Variants in KMT2C observed in about 807,000 individuals in gnomAD.
KMT2C encodes the protein lysine methyltransferase 2C, also known as histone-lysine N-methyltransferase 2C.
KMT2C carries 88 observed loss-of-function variants against 507.9 expected under a neutral mutation model. The ratio of observed to expected loss-of-function variants is 0.17; its 90% CI spans 0.15 to 0.21. The LOEUF is 0.21. Among genes scored for constraint, KMT2C ranks in the 10% least tolerant of loss-of-function variants. The pLI, the probability that KMT2C is intolerant of heterozygous loss-of-function variation, is 1.00. For missense variants in KMT2C, 4,954 were observed against 5,957.8 expected (o/e 0.83, Z 5.55); for synonymous variants, 2,049 against 2,080.8 (o/e 0.98, Z 0.42).
intron 2 of KMT2C, among the ~76,000 whole-genome samples, chr7:152,354,946 C>T (rs2097140699): frequency 6.6e-6 from 1 of 152,072 alleles, no homozygotes; most frequent in African/African-American, 2.4e-5. Context: ...ATCACTCTGG[C>T]TACTATGTGT....
chr7:152,217,681 A>G (rs538664851), intron 23 of KMT2C, among the ~76,000 whole-genome samples: 17 of 152,254 alleles, frequency 1.1e-4, no homozygotes, highest in African/African-American at 3.4e-4. Flanking sequence ...AGCAAGGGTA[A>G]TTTTTCAACT....
rs2092508370 is a variant in KMT2C at position 152,162,494 on chromosome 7, T to C, written c.11083A>G (p.Asn3695Asp). Reference protein sequence around the residue: ...PNSDFSQATPNQQTYANSEVD... With the variant: ...PNSDFSQATPDQQTYANSEVD... Reference sequence around the variant, plus strand: ...TCTGAATTTGCATACGTCTGTTGATTTGGAGTTGCTTGTGAGAAATCACTA... The same window carrying C: ...TCTGAATTTGCATACGTCTGTTGATCTGGAGTTGCTTGTGAGAAATCACTA... The change falls in exon 43 of 59, where the codon AAT becomes GAT. Residue 3695 changes from asparagine to aspartate, a missense_variant. By Grantham distance (23) the Asn-to-Asp change is conservative (BLOSUM62 1). This residue lies in a region of KMT2C where 801 missense variants were observed against 751.2 expected (regional missense o/e 1.07). Transcript: ENST00000262189. 1.2e-6 allele frequency: 2 copies of C among 1,614,246 alleles called. No individual in the cohort carries two copies. The highest frequency in any genetic ancestry group is 8.5e-7 in the Non-Finnish European group (1 of 1,180,038).
chr7:152,432,877 T>C (rs749382122), intron 1 of KMT2C, among the ~76,000 whole-genome samples: 3 of 152,142 alleles, frequency 2.0e-5, no homozygotes, highest in Non-Finnish European at 4.4e-5. Context: ...CGGGGTGCGG[T>C]GGCTCACGCC....
rs2093245640 is a variant in KMT2C, at chr7:152,177,221, G to A, written c.8232C>T (p.Asn2744=). The A allele has an allele frequency of 6.2e-7, 1 of 1,613,770 alleles. No homozygotes were observed. Among genetic ancestry groups the A allele is most frequent in the Non-Finnish European group, 8.5e-7 (1 of 1,179,826 alleles). The part of the protein sequence containing the change: ...TLDNLETNDP[N]LDDLLRSGEF... Reference sequence around the variant, plus strand: ...CTCCTGACCTTAAGAGGTCATCCAGGTTGGGATCATTAGTTTCCAAATTAT... The same window carrying A: ...CTCCTGACCTTAAGAGGTCATCCAGATTGGGATCATTAGTTTCCAAATTAT... Residue 2744 remains asparagine, a synonymous_variant, in exon 38 of 59, where the codon AAC becomes AAT. Coordinates refer to ENST00000262189, the MANE Select transcript of KMT2C (RefSeq NM_170606.3).
At chr7:152,208,602 T>C (rs1416661604) in intron 23 of KMT2C, among the ~76,000 whole-genome samples, 6 of 152,194 alleles carry the variant, frequency 3.9e-5, no homozygotes, top group Non-Finnish European at 7.3e-5. Flanking sequence ...AATGCTATTT[T>C]AGAGAATGCT....
intron 14 of KMT2C, among the ~76,000 whole-genome samples, chr7:152,244,066 GAAAT>G (rs1588530439): frequency 1.3e-5 from 2 of 152,254 alleles, no homozygotes; most frequent in East Asian, 3.9e-4. Context: ...ACTGAAGACA[GAAAT>G]AAAAACAAAT....
At chr7:152,315,081 G>A (rs2096710655) in intron 4 of KMT2C, 57 bp downstream of exon 4, 1 of 1,383,042 alleles carries the variant, frequency 7.2e-7, no homozygotes, top group Non-Finnish European at 1.0e-6. Context: ...CATTATAATG[G>A]AAATAAATTA....
chr7:152,187,683 A>C, intron 32 of KMT2C, 32 bp downstream of exon 32: 2 of 1,599,084 alleles, frequency 1.3e-6, no homozygotes, highest in Non-Finnish European at 1.7e-6. Flanking sequence ...AATTAGTGCA[A>C]TTTAAGTTTC....
chr7:152,314,601 G>C (rs1589131453), intron 4 of KMT2C, among the ~76,000 whole-genome samples: 2 of 152,000 alleles, frequency 1.3e-5, no homozygotes, highest in Non-Finnish European at 1.5e-5. Flanking sequence ...AGGGAAGAAT[G>C]TATAGGACAG....
intron 7 of KMT2C, among the ~76,000 whole-genome samples, chr7:152,270,384 G>A (rs1361871165): frequency 6.6e-6 from 1 of 152,226 alleles, no homozygotes; most frequent in Non-Finnish European, 1.5e-5. Flanking sequence ...AATACATTGA[G>A]GAACAGGGGG....
chr7:152,150,864 A>T, intron 51 of KMT2C, 36 bp downstream of exon 51: 2 of 1,368,552 alleles, frequency 1.5e-6, no homozygotes, highest in Non-Finnish European at 2.1e-6. Context: ...GTCACTCGTT[A>T]CACATTGTTA....
At chr7:152,368,534 AAG>A in intron 1 of KMT2C, 1 of 1,364,370 alleles carries the variant, frequency 7.3e-7, no homozygotes, top group East Asian at 2.4e-5. Context: ...GCACAGCACA[AAG>A]AATTAGAGGA....
rs1554453074 is a variant in KMT2C at position 152,146,747 on chromosome 7, C to A, written c.13895-12G>T. ...CTTATCCCAGACACCTACACAGGGA[C>A]AAAAACATAATTTTTATAGGAAATA... On this transcript the variant is annotated splice_polypyrimidine_tract_variant and intron_variant, in intron 52 of 58. Coordinates refer to ENST00000262189, the MANE Select transcript of KMT2C (RefSeq NM_170606.3). 2 of 1,611,472 alleles carry A rather than the reference C, an allele frequency of 1.2e-6. No individual in the cohort carries two copies.
At chr7:152,306,974 C>T (rs2096620275) in intron 6 of KMT2C, among the ~76,000 whole-genome samples, 1 of 152,138 alleles carries the variant, frequency 6.6e-6, no homozygotes, top group African/African-American at 2.4e-5. Flanking sequence ...GCCTGGACAA[C>T]ACAGCAGAAC....
chr7:152,171,295 C>G lies in KMT2C; in HGVS notation c.9422G>C (p.Gly3141Ala), dbSNP rs1377241304. 1 of 1,610,354 alleles carries G rather than the reference C, an allele frequency of 6.2e-7. No individual in the cohort carries two copies. Among genetic ancestry groups the G allele is most frequent in the Middle Eastern group, 1.7e-4 (1 of 6,060 alleles). The stretch of plus-strand genomic sequence containing the variant: ...AATGGCCTGTGGTCCAAGGTTCTGT[C>G]CTTCACTGTTCTGTGTTCCAGTTAC... ...QVVTGTQNSE[G>A]QNLGPQAIPQ... The change falls in exon 40 of 59, where the codon GGA becomes GCA. Residue 3141 changes from glycine to alanine, a missense_variant. Around this residue, in one of 29 missense-constraint regions of KMT2C, gnomAD observed 1,689 missense variants for 1,654.3 expected, o/e 1.02. Transcript: ENST00000262189.
intron 6 of KMT2C, among the ~76,000 whole-genome samples, chr7:152,301,340 T>TA (rs199597537): frequency 0.02 from 2,957 of 147,132 alleles, 82 homozygotes; most frequent in African/African-American, 0.061. Flanking sequence ...CCATCTCTAC[T>TA]AAAAAAAAAA....
chr7:152,289,627 G>T (rs952263682), intron 6 of KMT2C, among the ~76,000 whole-genome samples: 3 of 152,090 alleles, frequency 2.0e-5, no homozygotes, highest in Non-Finnish European at 4.4e-5. Flanking sequence ...TCACTTCAAG[G>T]AAAACAACTT....
chr7:152,213,917 C>T (rs1368925622), intron 23 of KMT2C, among the ~76,000 whole-genome samples: 1 of 151,964 alleles, frequency 6.6e-6, no homozygotes, highest in Non-Finnish European at 1.5e-5. Flanking sequence ...AGGCAAGGAC[C>T]TGAATAGCCA....
intron 1 of KMT2C, among the ~76,000 whole-genome samples, chr7:152,369,128 G>T (rs1385904652): frequency 6.6e-6 from 1 of 151,974 alleles, no homozygotes; most frequent in Non-Finnish European, 1.5e-5. Flanking sequence ...TTCGAGACCA[G>T]CCTGGCCAAC....
Sources: allele counts gnomAD v4.1 joint callset (sites outside exome capture counted in the v4.1 genomes callset), GRCh38; gene constraint gnomAD v4.1.1; regional missense constraint gnomAD v4.1.1; transcripts MANE v1.5; gene names NCBI Gene and HGNC (gene_info 2026-07-23, HGNC 2026-07-21).